Variants in CTNNA3 observed in about 807,000 individuals in gnomAD.
The protein encoded by CTNNA3 is catenin alpha 3.
CTNNA3 carries 76 observed loss-of-function variants against 95.7 expected under a neutral mutation model. The observed-to-expected ratio is 0.79, with a 90% CI of 0.66 to 0.96. CTNNA3 has a LOEUF of 0.96. CTNNA3 is among the 40% of genes least tolerant of loss of function. The probability of loss-of-function intolerance (pLI) is 0.00; values close to 1 mark genes in which losing one functional copy is unlikely to be tolerated. For missense variants in CTNNA3, 1,191 were observed against 1,089.8 expected (o/e 1.09, Z -1.31); for synonymous variants, 431 against 374.4 (o/e 1.15, Z -1.74).
intron 5 of CTNNA3, among the ~76,000 whole-genome samples, chr10:67,368,322 T>C (rs1443940561): frequency 6.6e-6 from 1 of 152,142 alleles, no homozygotes; most frequent in African/African-American, 2.4e-5. Flanking sequence ...TTCTACATGC[T>C]CACTAGAATG....
In CTNNA3 at chr10:66,761,257, G is replaced by A. The variant is rs189835898; in HGVS notation, c.1281+5007C>T. Among the ~76,000 whole-genome samples the A allele has an allele frequency of 6.6e-4, 100 of 152,154 alleles. 1 individual carries two copies. The highest frequency in any genetic ancestry group is 6.8e-3 in the Middle Eastern group (2 of 294). ...TTTGCGAGTGGGAACAATCAGCTTT[G>A]TAGGTGGTAGGGAAGTATTATAATT... On this transcript the variant is annotated intron_variant, in intron 9 of 17. Coordinates refer to ENST00000433211, the MANE Select transcript of CTNNA3 (RefSeq NM_013266.4).
At chr10:66,845,754 T>TACACACACACACACACACACACACAC (rs140313786) in intron 7 of CTNNA3, among the ~76,000 whole-genome samples, 1 of 108,632 alleles carries the variant, frequency 9.2e-6, no homozygotes, top group Non-Finnish European at 1.9e-5. Context: ...TATATATACA[T>TACACACACACACACACACACACACAC]ACACACACAC....
At chr10:66,077,472 A>G (rs536683544) in intron 14 of CTNNA3, among the ~76,000 whole-genome samples, 9 of 151,958 alleles carry the variant, frequency 5.9e-5, no homozygotes, top group East Asian at 1.9e-4. Flanking sequence ...TGAAAGTCCA[A>G]TGCTGGATTC....
At chr10:66,054,195 G>A (rs147752026) in intron 15 of CTNNA3, among the ~76,000 whole-genome samples, 61 of 152,242 alleles carry the variant, frequency 4.0e-4, no homozygotes, top group African/African-American at 1.4e-3. Flanking sequence ...AAGTGGGAGT[G>A]CAAATATCTC....
At position 67,218,883 on chromosome 10, in the gene CTNNA3, G is replaced by A. The variant is rs899656691; in HGVS notation, c.843+724C>T. On this transcript the variant is annotated intron_variant, in intron 6 of 17. Transcript: ENST00000433211. ...TCATAGTCCTTTTAAGACACGAGTC[G>A]CAGCATGTCACACCTTTGCTTAAAA... 7.2e-5 allele frequency among the ~76,000 whole-genome samples: 11 copies of A among 152,056 alleles called. No homozygotes were observed. The South Asian group carries it at 8.3e-4, about 11-fold the overall frequency.
At chr10:67,440,350 G>GT (rs1236653155) in intron 5 of CTNNA3, among the ~76,000 whole-genome samples, 2 of 152,070 alleles carry the variant, frequency 1.3e-5, no homozygotes, top group East Asian at 1.9e-4. Flanking sequence ...GATTTCTAAG[G>GT]TTTTTTTACT....
chr10:67,481,048 A>G (rs1485890566), intron 5 of CTNNA3, among the ~76,000 whole-genome samples: 3 of 152,236 alleles, frequency 2.0e-5, no homozygotes, highest in Admixed American at 2.0e-4. Context: ...GTGTCCATCA[A>G]GATGATCATA....
intron 7 of CTNNA3, among the ~76,000 whole-genome samples, chr10:67,144,188 T>C (rs4746662): frequency 0.6 from 90,700 of 152,010 alleles, 27,563 homozygotes; most frequent in Middle Eastern, 0.74. Context: ...GGTTTCAACG[T>C]TGGGTTTAAA....
At chr10:67,269,971 C>T (rs1838897198) in intron 5 of CTNNA3, among the ~76,000 whole-genome samples, 1 of 152,032 alleles carries the variant, frequency 6.6e-6, no homozygotes, top group Non-Finnish European at 1.5e-5. Context: ...CCTTTGAGGT[C>T]TGTACTGAAT....
intron 5 of CTNNA3, among the ~76,000 whole-genome samples, chr10:67,256,454 T>A (rs570611112): frequency 3.9e-5 from 6 of 152,310 alleles, no homozygotes; most frequent in African/African-American, 1.4e-4. Flanking sequence ...AAGAACAATA[T>A]AGACTATAAA....
At chr10:67,345,367 T>A (rs1842370983) in intron 5 of CTNNA3, among the ~76,000 whole-genome samples, 1 of 152,144 alleles carries the variant, frequency 6.6e-6, no homozygotes, top group Admixed American at 6.5e-5. Context: ...ATAGTGCAGA[T>A]TAAGTCCAAT....
chr10:67,403,997 A>G (rs1845032870), intron 5 of CTNNA3, among the ~76,000 whole-genome samples: 1 of 152,242 alleles, frequency 6.6e-6, no homozygotes, highest in Admixed American at 6.5e-5. Flanking sequence ...GACTGTTCAA[A>G]GAAAAAACGA....
intron 1 of CTNNA3, chr10:67,750,282 C>A (rs1841398811): frequency 6.6e-7 from 1 of 1,519,284 alleles, no homozygotes; most frequent in Non-Finnish European, 9.1e-7. Context: ...TCTGCACCAA[C>A]CATGGCCATC....
chr10:67,403,702 C>T (rs191195546), intron 5 of CTNNA3, among the ~76,000 whole-genome samples: 1 of 152,188 alleles, frequency 6.6e-6, no homozygotes. Flanking sequence ...AGCTGCTCTA[C>T]AAAAACGCAG....
intron 7 of CTNNA3, among the ~76,000 whole-genome samples, chr10:66,905,812 T>G (rs1354652727): frequency 6.6e-6 from 1 of 152,110 alleles, no homozygotes; most frequent in Non-Finnish European, 1.5e-5. Flanking sequence ...GAGTAAATGG[T>G]GGTTGCCAGG....
At chr10:66,686,885 AGTT>A (rs1187449868) in intron 9 of CTNNA3, among the ~76,000 whole-genome samples, 4 of 152,206 alleles carry the variant, frequency 2.6e-5, no homozygotes, top group Non-Finnish European at 4.4e-5. Flanking sequence ...CTTTAGTTTG[AGTT>A]GTTGTTGTTT....
intron 5 of CTNNA3, among the ~76,000 whole-genome samples, chr10:67,294,878 G>T (rs1347377793): frequency 6.6e-6 from 1 of 152,156 alleles, no homozygotes; most frequent in Non-Finnish European, 1.5e-5. Context: ...TTCAGTAATT[G>T]GTAGGTACAG....
At chr10:67,103,368 A>T (rs1246859327) in intron 7 of CTNNA3, among the ~76,000 whole-genome samples, 2 of 151,782 alleles carry the variant, frequency 1.3e-5, no homozygotes, top group African/African-American at 4.8e-5. Flanking sequence ...TATAGATTTT[A>T]TTCCCCATTA....
At chr10:67,746,109 T>C (rs1442655867) in intron 1 of CTNNA3, among the ~76,000 whole-genome samples, 6 of 152,036 alleles carry the variant, frequency 3.9e-5, no homozygotes, top group African/African-American at 1.4e-4. Context: ...AGGCCCCAAA[T>C]AGCCAAAGAC....
Sources: gnomAD v4.1 joint callset for allele counts (sites outside exome capture counted in the v4.1 genomes callset) on GRCh38, gnomAD v4.1.1 for gene constraint, MANE v1.5 for transcripts, NCBI Gene and HGNC (gene_info 2026-07-23, HGNC 2026-07-21) for gene names.